ASIC2: variants seen among roughly 807,000 people sequenced by gnomAD.
ASIC2 encodes acid sensing ion channel subunit 2.
ASIC2 carries 25 observed loss-of-function variants against 57.3 expected under a neutral mutation model. The observed-to-expected ratio is 0.44, with a 90% CI of 0.32 to 0.61. The LOEUF is 0.61. Ranked by LOEUF, ASIC2 falls within the 20% of genes least tolerant of loss-of-function variation. The probability of loss-of-function intolerance (pLI) is 0.06; values close to 1 mark genes in which losing one functional copy is unlikely to be tolerated. For missense variants in ASIC2, 641 were observed against 738.1 expected (o/e 0.87, Z 1.52); for synonymous variants, 319 against 307.5 (o/e 1.04, Z -0.39).
intron 1 of ASIC2, among the ~76,000 whole-genome samples, chr17:33,615,549 C>G (rs1567670139): frequency 6.6e-6 from 1 of 152,074 alleles, no homozygotes; most frequent in East Asian, 1.9e-4. Context: ...TGCTAAGAGG[C>G]TAAGGTCTTG....
intron 1 of ASIC2, among the ~76,000 whole-genome samples, chr17:33,189,487 A>C (rs1906329448): frequency 6.6e-6 from 1 of 152,188 alleles, no homozygotes; most frequent in Non-Finnish European, 1.5e-5. Flanking sequence ...ATCACATTAT[A>C]TACAGTGGTC....
At chr17:33,543,155 A>C in intron 1 of ASIC2, among the ~76,000 whole-genome samples, 1 of 94,660 alleles carries the variant, frequency 1.1e-5, no homozygotes, top group Non-Finnish European at 2.1e-5. Context: ...GGGAGGGGGG[A>C]GGGATAGCAT....
At chr17:34,145,804 T>C (rs1268645231) in intron 1 of ASIC2, among the ~76,000 whole-genome samples, 5 of 152,240 alleles carry the variant, frequency 3.3e-5, no homozygotes, top group Non-Finnish European at 7.3e-5. Flanking sequence ...GCATCACCTC[T>C]GGTCAGCCAT....
intron 1 of ASIC2, among the ~76,000 whole-genome samples, chr17:33,346,707 G>A (rs75708782): frequency 6.6e-6 from 1 of 152,178 alleles, no homozygotes; most frequent in Non-Finnish European, 1.5e-5. Flanking sequence ...ATATAGATCT[G>A]GGAGTTGTTT....
At chr17:33,507,156 T>C (rs150402512) in intron 1 of ASIC2, among the ~76,000 whole-genome samples, 2 of 152,294 alleles carry the variant, frequency 1.3e-5, no homozygotes, top group East Asian at 1.9e-4. Context: ...AGGACAATGA[T>C]TCTATTAGTC....
chr17:33,548,703 C>T (rs1173220518), intron 1 of ASIC2, among the ~76,000 whole-genome samples: 1 of 152,122 alleles, frequency 6.6e-6, no homozygotes, highest in Admixed American at 6.5e-5. Context: ...TATGGTCAGA[C>T]ACTCAACTGT....
chr17:34,062,166 C>T (rs1908993732), intron 1 of ASIC2, among the ~76,000 whole-genome samples: 1 of 152,122 alleles, frequency 6.6e-6, no homozygotes, highest in African/African-American at 2.4e-5. Flanking sequence ...GAAATTATAT[C>T]AAGCACTCTT....
At chr17:33,805,048 G>A in intron 1 of ASIC2, among the ~76,000 whole-genome samples, 1 of 152,024 alleles carries the variant, frequency 6.6e-6, no homozygotes, top group Non-Finnish European at 1.5e-5. Context: ...AAAAGCAGTT[G>A]CCATTATGTT....
chr17:33,600,358 C>T (rs1905091742), intron 1 of ASIC2, among the ~76,000 whole-genome samples: 1 of 152,204 alleles, frequency 6.6e-6, no homozygotes, highest in Admixed American at 6.5e-5. Context: ...CATTGGACTT[C>T]CTAGCTTCTA....
Position 33,842,281 on chromosome 17 carries a change from G to A in ASIC2, c.555+313697C>T, listed in dbSNP as rs140417999. ...CAGCCCATGTTCCATGGGATGGGAT[G>A]GGGCCATGGGGATGGTGGTACTCAG... On this transcript the variant is annotated intron_variant, in intron 1 of 9. Transcript: ENST00000359872. 2.1e-3 allele frequency among the ~76,000 whole-genome samples: 319 copies of A among 152,302 alleles called. 1 individual carries two copies. Among genetic ancestry groups the A allele is most frequent in the Non-Finnish European group, 3.3e-3 (225 of 68,024 alleles).
chr17:33,810,610 C>G (rs1912390922), intron 1 of ASIC2, among the ~76,000 whole-genome samples: 2 of 152,166 alleles, frequency 1.3e-5, no homozygotes, highest in Admixed American at 6.5e-5. Context: ...GCAGGTGTCA[C>G]TGCCCCATGG....
At chr17:34,134,387 A>G (rs966069635) in intron 1 of ASIC2, among the ~76,000 whole-genome samples, 3 of 152,342 alleles carry the variant, frequency 2.0e-5, no homozygotes, top group South Asian at 2.1e-4. Context: ...AGAGCTGGAC[A>G]GTCACCTTTA....
intron 1 of ASIC2, among the ~76,000 whole-genome samples, chr17:34,043,029 G>C (rs1255721973): frequency 1.3e-5 from 2 of 152,118 alleles, no homozygotes; most frequent in Non-Finnish European, 2.9e-5. Context: ...AAATAAGTTA[G>C]ACACAAAAGA....
chr17:33,445,987 C>A (rs942319840), intron 1 of ASIC2, among the ~76,000 whole-genome samples: 5 of 151,704 alleles, frequency 3.3e-5, no homozygotes, highest in African/African-American at 1.2e-4. Context: ...TTGTGGACAA[C>A]TGTCACCTTA....
chr17:33,300,588 T>C (rs1185209701), intron 1 of ASIC2, among the ~76,000 whole-genome samples: 1 of 152,232 alleles, frequency 6.6e-6, no homozygotes, highest in African/African-American at 2.4e-5. Flanking sequence ...AAGTGCATTA[T>C]GTTGTGTATT....
chr17:33,587,006 A>C (rs536233398), intron 1 of ASIC2, among the ~76,000 whole-genome samples: 7 of 152,348 alleles, frequency 4.6e-5, no homozygotes, highest in African/African-American at 1.2e-4. Context: ...TGTGAGATTA[A>C]TGTATCAATG....
intron 1 of ASIC2, among the ~76,000 whole-genome samples, chr17:33,484,519 C>A (rs1913515705): frequency 6.6e-6 from 1 of 152,098 alleles, no homozygotes. Flanking sequence ...TTCTTCAACC[C>A]AATATATTCA....
chr17:34,058,054 G>A (rs1317408254), intron 1 of ASIC2, among the ~76,000 whole-genome samples: 1 of 152,142 alleles, frequency 6.6e-6, no homozygotes, highest in African/African-American at 2.4e-5. Flanking sequence ...TTTCTCTAAA[G>A]CCTAACTCAA....
At chr17:33,572,780 G>A (rs1916493160) in intron 1 of ASIC2, among the ~76,000 whole-genome samples, 1 of 152,212 alleles carries the variant, frequency 6.6e-6, no homozygotes, top group Non-Finnish European at 1.5e-5. Flanking sequence ...TGCACGAAGT[G>A]ATGGGCGCTG....
Sources: gnomAD v4.1 joint callset for allele counts (sites outside exome capture counted in the v4.1 genomes callset) on GRCh38, gnomAD v4.1.1 for gene constraint, MANE v1.5 for transcripts, NCBI Gene and HGNC (gene_info 2026-07-23, HGNC 2026-07-21) for gene names.